The following NKAIN3 variants were observed in gnomAD, a reference collection of about 807,000 sequenced individuals.
NKAIN3 encodes the protein sodium/potassium transporting ATPase interacting 3.
In NKAIN3, 25 loss-of-function variants were observed where a neutral mutation model predicts 30.2. That is an observed-to-expected ratio of 0.83 (90% CI 0.60 to 1.16). NKAIN3 has a LOEUF of 1.16. NKAIN3 is among the 50% of genes most tolerant of loss of function. NKAIN3 has a pLI of 0.00. For synonymous variants in NKAIN3, 91 were observed against 89.6 expected, an observed-to-expected ratio of 1.02 and a Z score of -0.09; for missense variants, 225 against 254.1, an observed-to-expected ratio of 0.89 and a Z score of 0.78.
intron 1 of NKAIN3, among the ~76,000 whole-genome samples, chr8:62,479,362 C>T (rs906578083): frequency 5.9e-5 from 9 of 152,212 alleles, no homozygotes; most frequent in South Asian, 2.1e-4. Flanking sequence ...TATCCAAATT[C>T]GGCAGGTGAA....
In NKAIN3 at chr8:62,535,943, C is replaced by T. The variant is rs1808646941; in HGVS notation, c.55-43596C>T. Among the ~76,000 whole-genome samples, 3 of 152,094 alleles carry T rather than the reference C, an allele frequency of 2.0e-5. No homozygotes were observed. The South Asian group carries it at 6.2e-4, about 32-fold the overall frequency. ...GCCTGCCTCTGAGTCCTAATACACCCAACATTGTAACAAAAGACTGTAACA... is the reference window on the plus strand; with the variant it reads ...GCCTGCCTCTGAGTCCTAATACACCTAACATTGTAACAAAAGACTGTAACA... On this transcript the variant is annotated intron_variant, in intron 1 of 6. Transcript: ENST00000623646.
intron 1 of NKAIN3, among the ~76,000 whole-genome samples, chr8:62,264,409 A>T (rs550664245): frequency 1.8e-4 from 28 of 152,286 alleles, no homozygotes; most frequent in African/African-American, 6.0e-4. Context: ...AATTAAATCA[A>T]ATACTTAAAC....
intron 4 of NKAIN3, among the ~76,000 whole-genome samples, chr8:62,917,418 A>C (rs1008401900): frequency 2.0e-5 from 3 of 152,034 alleles, no homozygotes; most frequent in Non-Finnish European, 2.9e-5. Context: ...TTCTCCTAAG[A>C]CCTCACCCTA....
intron 4 of NKAIN3, among the ~76,000 whole-genome samples, chr8:62,766,573 G>C (rs1387217130): frequency 3.3e-5 from 5 of 152,168 alleles, no homozygotes; most frequent in Non-Finnish European, 5.9e-5. Context: ...ATGAAGACTT[G>C]AGTGCAGATC....
chr8:62,777,774 G>T (rs1817235141), intron 4 of NKAIN3, among the ~76,000 whole-genome samples: 1 of 152,074 alleles, frequency 6.6e-6, no homozygotes, highest in Non-Finnish European at 1.5e-5. Context: ...CAGTGTCTGG[G>T]CATAGAAAAA....
intron 3 of NKAIN3, among the ~76,000 whole-genome samples, chr8:62,734,504 G>T (rs1815585628): frequency 6.6e-6 from 1 of 152,072 alleles, no homozygotes. Flanking sequence ...ACTTTAGAAA[G>T]GAATGTTTGA....
At chr8:62,592,195 C>G (rs575064862) in intron 3 of NKAIN3, among the ~76,000 whole-genome samples, 29 of 151,928 alleles carry the variant, frequency 1.9e-4, no homozygotes, top group Non-Finnish European at 3.7e-4. Context: ...CTAAGGTGTT[C>G]TTTTGCTGAC....
intron 1 of NKAIN3, among the ~76,000 whole-genome samples, chr8:62,492,872 CCCA>C (rs2129639014): frequency 6.6e-6 from 1 of 152,202 alleles, no homozygotes; most frequent in South Asian, 2.1e-4. Flanking sequence ...AATTTACACT[CCCA>C]CCAACAGTAT....
chr8:62,945,081 G>A (rs1284210589), intron 5 of NKAIN3, among the ~76,000 whole-genome samples: 1 of 152,138 alleles, frequency 6.6e-6, no homozygotes, highest in Non-Finnish European at 1.5e-5. Flanking sequence ...ATAGCAGGGA[G>A]CAAAACATAT....
rs1810247184 is a variant in NKAIN3 at position 62,580,179 on chromosome 8, C to T, written c.192+503C>T. Among the ~76,000 whole-genome samples the T allele has an allele frequency of 2.0e-5, 3 of 152,112 alleles. No homozygotes were observed. In the South Asian group the frequency reaches 6.2e-4, roughly 32 times the overall value. On this transcript the variant is annotated intron_variant, in intron 2 of 6. Transcript: ENST00000623646. Reference sequence around the variant, plus strand: ...GTATGGATGGATATTTGGTACACATCCCTAACATTTCATACTGATTGATAT... The same window carrying T: ...GTATGGATGGATATTTGGTACACATTCCTAACATTTCATACTGATTGATAT...
chr8:62,545,954 G>A, intron 1 of NKAIN3, among the ~76,000 whole-genome samples: 1 of 152,236 alleles, frequency 6.6e-6, no homozygotes, highest in South Asian at 2.1e-4. Flanking sequence ...TACTAATACT[G>A]AATATTGTTA....
chr8:62,707,638 T>C (rs751447488), intron 3 of NKAIN3, among the ~76,000 whole-genome samples: 21 of 152,170 alleles, frequency 1.4e-4, no homozygotes, highest in Non-Finnish European at 2.6e-4. Context: ...CTTTCTCAGA[T>C]GTATAGATTG....
chr8:62,883,457 G>GTTGTTGTTTTTTTTTTTTTT lies in NKAIN3; in HGVS notation c.472-34994_472-34993insGTTGTTTTTTTTTTTTTTTT. The stretch of plus-strand genomic sequence containing the variant: ...TTTATTATTTCCAGGAGTTTTATGG[G>GTTGTTGTTTTTTTTTTTTTT]TTTTTTTTTTTTTTTTCAGATTTTC... On this transcript the variant is annotated intron_variant, in intron 4 of 6. Transcript: ENST00000623646. Among the ~76,000 whole-genome samples, 130 of 70,178 alleles carry GTTGTTGTTTTTTTTTTTTTT rather than the reference G, an allele frequency of 1.9e-3. 7 individuals carry two copies. Among genetic ancestry groups the GTTGTTGTTTTTTTTTTTTTT allele is most frequent in the East Asian group, 0.014 (24 of 1,694 alleles). The allele number at this position is 70,178 out of a possible 152,430, so 46.0% of individuals were successfully genotyped here. A position where few individuals can be genotyped will look rare whatever the true frequency, so the allele number is the denominator to read the frequency against.
chr8:62,960,551 C>T (rs1823542307), intron 6 of NKAIN3, among the ~76,000 whole-genome samples: 1 of 151,990 alleles, frequency 6.6e-6, no homozygotes, highest in Non-Finnish European at 1.5e-5. Context: ...TCATTTTGCC[C>T]TGTTTCCAAG....
rs73684997 is a variant in NKAIN3 at position 62,431,772 on chromosome 8, C to T, written c.55-147767C>T. ...TTTTCTGCTAAGTCTTGTTACCAGTCGGTAGTAACAAGAACTGTAAAAGTT... is the reference window on the plus strand; with the variant it reads ...TTTTCTGCTAAGTCTTGTTACCAGTTGGTAGTAACAAGAACTGTAAAAGTT... On this transcript the variant is annotated intron_variant, in intron 1 of 6. Transcript: ENST00000623646. Among the ~76,000 whole-genome samples, 826 of 149,604 alleles carry T rather than the reference C, an allele frequency of 5.5e-3. 6 individuals carry two copies. Among genetic ancestry groups the T allele is most frequent in the African/African-American group, 0.019 (778 of 40,690 alleles).
intron 1 of NKAIN3, among the ~76,000 whole-genome samples, chr8:62,344,013 G>T (rs193206285): frequency 1.3e-5 from 2 of 152,124 alleles, no homozygotes; most frequent in South Asian, 2.1e-4. Flanking sequence ...TATGCAAATA[G>T]AAGACAAGAA....
chr8:62,274,983 T>C (rs532569100), intron 1 of NKAIN3, among the ~76,000 whole-genome samples: 2 of 152,312 alleles, frequency 1.3e-5, no homozygotes, highest in South Asian at 2.1e-4. Flanking sequence ...ATTTTCTTAA[T>C]CCAGTCTATC....
chr8:62,720,284 T>C (rs1408555391), intron 3 of NKAIN3, among the ~76,000 whole-genome samples: 1 of 152,188 alleles, frequency 6.6e-6, no homozygotes, highest in Non-Finnish European at 1.5e-5. Context: ...CTTAACACAT[T>C]TATACATTTA....
At chr8:62,282,907 A>G (rs1229030223) in intron 1 of NKAIN3, among the ~76,000 whole-genome samples, 2 of 152,050 alleles carry the variant, frequency 1.3e-5, no homozygotes, top group South Asian at 2.1e-4. Context: ...TTACTGTACT[A>G]TGTAACACTA....
Sources: gnomAD v4.1 joint callset for allele counts (sites outside exome capture counted in the v4.1 genomes callset) on GRCh38, gnomAD v4.1.1 for gene constraint, MANE v1.5 for transcripts, NCBI Gene and HGNC (gene_info 2026-07-23, HGNC 2026-07-21) for gene names.